The following ABHD6 variants were observed in gnomAD, a reference collection of about 807,000 sequenced individuals.
The protein encoded by ABHD6 is monoacylglycerol lipase ABHD6.
Under a neutral mutation model 38.8 loss-of-function variants are expected in ABHD6, and 33 were observed. The observed-to-expected ratio is 0.85, with a 90% CI of 0.64 to 1.14. The LOEUF is 1.14. ABHD6 is among the 50% of genes most tolerant of loss of function. The pLI, the probability that ABHD6 is intolerant of heterozygous loss-of-function variation, is 0.00. For missense variants in ABHD6, 380 were observed against 422.6 expected (o/e 0.90, Z 0.88); for synonymous variants, 147 against 161.6 (o/e 0.91, Z 0.69).
intron 7 of ABHD6, among the ~76,000 whole-genome samples, chr3:58,282,272 A>G (rs2097453873): frequency 6.6e-6 from 1 of 152,166 alleles, no homozygotes; most frequent in Non-Finnish European, 1.5e-5. Context: ...GAGAGCACAA[A>G]TGGAACAGAG....
At chr3:58,286,236 G>A (rs997963101) in intron 9 of ABHD6, among the ~76,000 whole-genome samples, 4 of 151,994 alleles carry the variant, frequency 2.6e-5, no homozygotes, top group Non-Finnish European at 5.9e-5. Context: ...AGCCAGGATG[G>A]TCTCGATCTC....
intron 6 of ABHD6, among the ~76,000 whole-genome samples, chr3:58,272,243 G>A (rs2097445556): frequency 6.6e-6 from 1 of 152,130 alleles, no homozygotes; most frequent in Non-Finnish European, 1.5e-5. Context: ...TTATAAATGG[G>A]AACGTTGAGG....
Position 58,248,380 on chromosome 3 carries a change from C to A in ABHD6, c.-90-1498C>A, listed in dbSNP as rs114114834. On this transcript the variant is annotated intron_variant, in intron 1 of 9. Transcript: ENST00000478253. ...GCAAACGTTTTCACACATAATCAGG[C>A]ATAAACATAGATAAATTCCTAGAAG... is the stretch of plus-strand genomic sequence containing the variant. Among the ~76,000 whole-genome samples the A allele has an allele frequency of 6.7e-3, 1,025 of 152,232 alleles. 11 individuals are homozygous for A. Among genetic ancestry groups the A allele is most frequent in the African/African-American group, 0.023 (974 of 41,538 alleles).
intron 7 of ABHD6, among the ~76,000 whole-genome samples, chr3:58,276,337 G>A (rs537770881): frequency 6.6e-6 from 1 of 152,250 alleles, no homozygotes; most frequent in East Asian, 1.9e-4. Flanking sequence ...ATCTTATTGT[G>A]GTTTTGATTT....
rs1197141262 is a variant in ABHD6, at chr3:58,285,715, T to C, written c.837+262T>C. 6.6e-6 allele frequency among the ~76,000 whole-genome samples: 1 copy of C among 152,234 alleles called. No individual in the cohort carries two copies. Among genetic ancestry groups the C allele is most frequent in the Admixed American group, 6.5e-5 (1 of 15,282 alleles). On this transcript the variant is annotated intron_variant, in intron 9 of 9. Transcript: ENST00000478253. The surrounding 1 kb of genome is among the most constrained non-coding windows in gnomAD (Gnocchi z 4.9). ...TTTTTATCAAAGCCATGTAGTCACA[T>C]GGTATAAAAAGATCTTCAAAGAACA...
chr3:58,271,206 C>A, intron 6 of ABHD6, 142 bp downstream of exon 6: 2 of 893,822 alleles, frequency 2.2e-6, no homozygotes, highest in Non-Finnish European at 3.1e-6. Flanking sequence ...ATAACTCTAA[C>A]CAACCAATAG....
At chr3:58,274,949 G>A (rs2107460676) in intron 7 of ABHD6, 134 bp downstream of exon 7, 1 of 1,117,948 alleles carries the variant, frequency 8.9e-7, no homozygotes, top group East Asian at 2.4e-5. Context: ...TTCAGCAAGT[G>A]TCTCTGCAGT....
chr3:58,285,314 G>A lies in ABHD6; in HGVS notation c.737-39G>A, dbSNP rs962170632. 1 of 1,600,860 alleles carries A rather than the reference G, an allele frequency of 6.2e-7. No homozygotes were observed. The highest frequency in any genetic ancestry group is 8.6e-7 in the Non-Finnish European group (1 of 1,168,078). ...ATTCTGCGGTGGTGCCACAGGCACA[G>A]TCCAGCACATACTCACTTTGTTTTC... On this transcript the variant is annotated intron_variant, in intron 8 of 9. Coordinates refer to ENST00000478253, the MANE Select transcript of ABHD6 (RefSeq NM_001320126.2). The surrounding 1 kb of genome is among the most constrained non-coding windows in gnomAD (Gnocchi z 4.9).
At chr3:58,290,155 GC>G (rs2097460942) in intron 9 of ABHD6, among the ~76,000 whole-genome samples, 1 of 114,404 alleles carries the variant, frequency 8.7e-6, no homozygotes, top group Non-Finnish European at 1.8e-5. Flanking sequence ...GGGGCGGCTG[GC>G]CGGGCGGGGG....
At chr3:58,252,229 GTTTTTTTTTTTT>G (rs10671892) in intron 2 of ABHD6, among the ~76,000 whole-genome samples, 9 of 80,966 alleles carry the variant, frequency 1.1e-4, no homozygotes, top group African/African-American at 2.6e-4. Flanking sequence ...TTGACTGCTT[GTTTTTTTTTTTT>G]TTTTTTTTTT....
In ABHD6 at chr3:58,285,886, G is replaced by T. The variant is rs1224017375; in HGVS notation, c.837+433G>T. Among the ~76,000 whole-genome samples, 1 of 152,146 alleles carries T rather than the reference G, an allele frequency of 6.6e-6. No individual in the cohort carries two copies. Among genetic ancestry groups the T allele is most frequent in the East Asian group, 1.9e-4 (1 of 5,194 alleles). ...GGAGTCTTGCTCTGTCACCCAGGCT[G>T]GAGTGCAGTGGCCCAATCTTGGCTC... On this transcript the variant is annotated intron_variant, in intron 9 of 9. Transcript: ENST00000478253. This position sits in a 1 kb window ranked among gnomAD's most constrained non-coding sequence, Gnocchi z 4.9.
At chr3:58,262,751 T>C (rs945660808) in intron 3 of ABHD6, among the ~76,000 whole-genome samples, 3 of 152,208 alleles carry the variant, frequency 2.0e-5, no homozygotes, top group Admixed American at 6.5e-5. Flanking sequence ...TTCCTACTCT[T>C]TCGTTGAGGG....
intron 7 of ABHD6, among the ~76,000 whole-genome samples, chr3:58,280,554 G>A (rs2097452331): frequency 6.6e-6 from 1 of 152,188 alleles, no homozygotes. Context: ...TTAGCACGGA[G>A]AAGTTTGTTA....
chr3:58,263,365 A>C lies in ABHD6; in HGVS notation c.120-3824A>C, dbSNP rs1338025764. 2.0e-5 allele frequency among the ~76,000 whole-genome samples: 3 copies of C among 151,302 alleles called. No individual in the cohort carries two copies. On this transcript the variant is annotated intron_variant, in intron 3 of 9. Coordinates refer to ENST00000478253, the MANE Select transcript of ABHD6 (RefSeq NM_001320126.2). The surrounding 1 kb of genome is among the most constrained non-coding windows in gnomAD (Gnocchi z 4.9). Reference sequence around the variant, plus strand: ...AGATTGCGCCACTGCACTCCAGCCTAGGCAACGAGAGTGAAACTCCATCTC... The same window carrying C: ...AGATTGCGCCACTGCACTCCAGCCTCGGCAACGAGAGTGAAACTCCATCTC...
chr3:58,274,412 A>T (rs1455887722), intron 6 of ABHD6, among the ~76,000 whole-genome samples: 2 of 152,164 alleles, frequency 1.3e-5, no homozygotes, highest in Admixed American at 6.5e-5. Context: ...TGGGCTTTTG[A>T]TGCTCCTGGT....
intron 7 of ABHD6, among the ~76,000 whole-genome samples, chr3:58,276,939 TTTCTGAGGCCTCTG>T (rs1272876305): frequency 1.4e-4 from 22 of 152,216 alleles, no homozygotes; most frequent in African/African-American, 5.3e-4. Context: ...TGTGGTGTTA[TTTCTGAGGCCTCTG>T]TTCTGTTCCA....
intron 1 of ABHD6, among the ~76,000 whole-genome samples, chr3:58,244,661 G>C (rs530458746): frequency 6.6e-6 from 1 of 152,094 alleles, no homozygotes; most frequent in South Asian, 2.1e-4. Flanking sequence ...CTGCTCAGGA[G>C]GCTGAGGTGG....
intron 7 of ABHD6, among the ~76,000 whole-genome samples, chr3:58,282,752 A>C (rs1028439039): frequency 3.3e-5 from 5 of 152,076 alleles, no homozygotes; most frequent in African/African-American, 1.2e-4. Flanking sequence ...ACAACAACAA[A>C]AACAAAAACA....
intron 1 of ABHD6, among the ~76,000 whole-genome samples, chr3:58,243,631 C>T (rs1253525164): frequency 1.3e-5 from 2 of 151,324 alleles, no homozygotes; most frequent in South Asian, 2.1e-4. Context: ...TCTGATTCTC[C>T]GCAGTTTCCA....
Sources: allele counts gnomAD v4.1 joint callset (sites outside exome capture counted in the v4.1 genomes callset), GRCh38; gene constraint gnomAD v4.1.1; non-coding constraint Gnocchi (gnomAD v3.1); transcripts MANE v1.5; gene names NCBI Gene and HGNC (gene_info 2026-07-23, HGNC 2026-07-21).